Variants in ANKS1B observed in about 807,000 individuals in gnomAD.
ANKS1B encodes ankyrin repeat and sterile alpha motif domain containing 1B.
In ANKS1B, 36 loss-of-function variants were observed where a neutral mutation model predicts 148.3. That is an observed-to-expected ratio of 0.24 (90% CI 0.19 to 0.32). The LOEUF (loss-of-function observed/expected upper bound fraction) is 0.32, where lower values mean the gene tolerates loss of function less well. Among genes scored for constraint, ANKS1B ranks in the 10% least tolerant of loss-of-function variants. The pLI is 1.00. For missense variants in ANKS1B, 1,157 were observed against 1,542.6 expected (o/e 0.75, Z 4.19); for synonymous variants, 542 against 560.8 (o/e 0.97, Z 0.47).
intron 12 of ANKS1B, among the ~76,000 whole-genome samples, chr12:99,285,332 G>A (rs891071215): frequency 2.6e-5 from 4 of 152,054 alleles, no homozygotes; most frequent in Non-Finnish European, 5.9e-5. Context: ...CCATTGTATG[G>A]ATATAGCATA....
intron 10 of ANKS1B, among the ~76,000 whole-genome samples, chr12:99,461,976 C>G (rs1213593830): frequency 4.6e-5 from 7 of 152,192 alleles, no homozygotes; most frequent in Non-Finnish European, 1.0e-4. Context: ...CTAGTTTCAT[C>G]CAACCTATCA....
At chr12:99,456,727 AT>A (rs201082268) in intron 10 of ANKS1B, among the ~76,000 whole-genome samples, 3 of 151,272 alleles carry the variant, frequency 2.0e-5, no homozygotes, top group Admixed American at 6.6e-5. Context: ...GACAAAGAAA[AT>A]TTTTTTTTTA....
chr12:99,719,270 TTC>T (rs1270770751), intron 8 of ANKS1B, among the ~76,000 whole-genome samples: 4 of 152,290 alleles, frequency 2.6e-5, no homozygotes, highest in Admixed American at 1.3e-4. Flanking sequence ...CACATATACT[TTC>T]TGTTTCCCGG....
intron 11 of ANKS1B, among the ~76,000 whole-genome samples, chr12:99,405,746 C>A: frequency 7.0e-6 from 1 of 142,738 alleles, no homozygotes; most frequent in Non-Finnish European, 1.5e-5. Flanking sequence ...CAGAGAGTAG[C>A]TGAATGGGTT....
intron 15 of ANKS1B, among the ~76,000 whole-genome samples, chr12:99,116,198 C>T (rs894612992): frequency 1.3e-5 from 2 of 152,168 alleles, no homozygotes; most frequent in African/African-American, 2.4e-5. Flanking sequence ...AAGACACAAC[C>T]TAAGAACTTC....
chr12:98,913,782 T>C (rs1230485247), intron 17 of ANKS1B, among the ~76,000 whole-genome samples: 2 of 152,068 alleles, frequency 1.3e-5, no homozygotes, highest in Non-Finnish European at 2.9e-5. Flanking sequence ...CGCGTGCCAC[T>C]ACCACACCCA....
intron 17 of ANKS1B, among the ~76,000 whole-genome samples, chr12:98,947,648 C>T (rs936698054): frequency 2.0e-5 from 3 of 152,262 alleles, no homozygotes; most frequent in Middle Eastern, 3.4e-3. Context: ...AATCACATCC[C>T]CCTACTTAAA....
At chr12:98,970,111 A>G (rs1253306131) in intron 17 of ANKS1B, among the ~76,000 whole-genome samples, 1 of 152,074 alleles carries the variant, frequency 6.6e-6, no homozygotes, top group Non-Finnish European at 1.5e-5. Flanking sequence ...TCTCTAATGG[A>G]GTTTTGCTTT....
At chr12:99,715,225 C>A (rs926650419) in intron 8 of ANKS1B, among the ~76,000 whole-genome samples, 6 of 152,156 alleles carry the variant, frequency 3.9e-5, no homozygotes, top group African/African-American at 1.2e-4. Flanking sequence ...TCCCCTGTAA[C>A]CTGCACGTAC....
chr12:99,455,138 C>T (rs978722589), intron 10 of ANKS1B, among the ~76,000 whole-genome samples: 10 of 152,078 alleles, frequency 6.6e-5, no homozygotes, highest in Non-Finnish European at 1.0e-4. Flanking sequence ...TTAGTGGTCC[C>T]TGTATTCATC....
intron 14 of ANKS1B, among the ~76,000 whole-genome samples, chr12:99,214,002 C>T (rs551660313): frequency 1.1e-4 from 17 of 152,114 alleles, no homozygotes; most frequent in Admixed American, 3.9e-4. Flanking sequence ...CCTCAATGAC[C>T]GAGCGAAAAT....
intron 8 of ANKS1B, among the ~76,000 whole-genome samples, chr12:99,666,203 T>C (rs575421461): frequency 3.0e-4 from 45 of 152,366 alleles, no homozygotes; most frequent in Non-Finnish European, 5.3e-4. Context: ...ACCACATTGA[T>C]AGACGTTTAT....
At chr12:99,125,415 A>G (rs750128666) in intron 15 of ANKS1B, among the ~76,000 whole-genome samples, 3 of 152,198 alleles carry the variant, frequency 2.0e-5, no homozygotes, top group Non-Finnish European at 4.4e-5. Context: ...TGGTAATGTC[A>G]GAGAAATGTA....
intron 1 of ANKS1B, among the ~76,000 whole-genome samples, chr12:99,961,457 A>C (rs546513036): frequency 6.6e-6 from 1 of 152,234 alleles, no homozygotes; most frequent in East Asian, 1.9e-4. Context: ...GGGCTCAAGG[A>C]GACTCAGCAG....
chr12:99,224,960 T>C (rs779560048), intron 14 of ANKS1B, among the ~76,000 whole-genome samples: 8 of 152,130 alleles, frequency 5.3e-5, no homozygotes, highest in Non-Finnish European at 8.8e-5. Context: ...CTTAAGTAAT[T>C]GATACACAGA....
At chr12:99,236,831 T>C (rs186225098) in intron 14 of ANKS1B, among the ~76,000 whole-genome samples, 69 of 152,278 alleles carry the variant, frequency 4.5e-4, no homozygotes, top group Middle Eastern at 6.8e-3. Flanking sequence ...CCATTATCCT[T>C]AGCAAACTAA....
intron 9 of ANKS1B, among the ~76,000 whole-genome samples, chr12:99,580,607 G>T (rs920987101): frequency 6.6e-6 from 1 of 152,176 alleles, no homozygotes; most frequent in Non-Finnish European, 1.5e-5. Context: ...AGCGAAGCGG[G>T]GGATGGTGAA....
chr12:98,750,570 G>T (rs1055205380), intron 26 of ANKS1B, among the ~76,000 whole-genome samples: 2 of 152,220 alleles, frequency 1.3e-5, no homozygotes, highest in Non-Finnish European at 2.9e-5. Flanking sequence ...GAAGGATTCG[G>T]GGGCGTGAGA....
intron 9 of ANKS1B, among the ~76,000 whole-genome samples, chr12:99,561,410 G>T (rs1343331597): frequency 6.6e-6 from 1 of 152,096 alleles, no homozygotes; most frequent in Admixed American, 6.5e-5. Context: ...AGGCCTCATT[G>T]TATGTTGTCT....
Sources: gnomAD v4.1 joint callset for allele counts (sites outside exome capture counted in the v4.1 genomes callset) on GRCh38, gnomAD v4.1.1 for gene constraint, MANE v1.5 for transcripts, NCBI Gene and HGNC (gene_info 2026-07-23, HGNC 2026-07-21) for gene names.